SYT9: variants seen among roughly 807,000 people sequenced by gnomAD.
The protein encoded by SYT9 is synaptotagmin-9.
Under a neutral mutation model 48.4 loss-of-function variants are expected in SYT9, and 22 were observed. The ratio of observed to expected loss-of-function variants is 0.45; its 90% CI spans 0.32 to 0.65. The LOEUF is 0.65. SYT9 is among the 30% of genes least tolerant of loss of function. SYT9 has a pLI of 0.03. For missense variants in SYT9, 577 were observed against 622.0 expected, an observed-to-expected ratio of 0.93 and a Z score of 0.77; for synonymous variants, 265 against 245.0, an observed-to-expected ratio of 1.08 and a Z score of -0.76.
chr11:7,249,405 T>C (rs1173755187), upstream of SYT9, among the ~76,000 whole-genome samples: 1 of 152,178 alleles, frequency 6.6e-6, no homozygotes, highest in Non-Finnish European at 1.5e-5. Context: ...GACTTCTTGA[T>C]GGGAAGAGTG....
chr11:7,416,086 T>C lies in SYT9; in HGVS notation c.1089T>C (p.Leu363=), dbSNP rs2134096982. The change falls in exon 4 of 7, where the codon CTT becomes CTC. Residue 363 remains leucine (L), a synonymous_variant. Transcript: ENST00000318881. ...LGELMFSLCY[L]PTAGRLTITI... ...AGCTGATGTTTTCCCTGTGCTATCT[T>C]CCAACGGCTGGCAGGCTGACCATTA... 6.2e-7 allele frequency: 1 copy of C among 1,614,150 alleles called. No individual in the cohort carries two copies. The highest frequency in any genetic ancestry group is 8.5e-7 in the Non-Finnish European group (1 of 1,180,022).
upstream of SYT9, among the ~76,000 whole-genome samples, chr11:7,248,185 G>A (rs558838129): frequency 7.3e-5 from 11 of 151,158 alleles, no homozygotes; most frequent in African/African-American, 1.7e-4. Flanking sequence ...TGTTTTTTTC[G>A]TGTTGATTTG....
chr11:7,265,935 T>G (rs1056435176), intron 1 of SYT9, among the ~76,000 whole-genome samples: 1 of 152,154 alleles, frequency 6.6e-6, no homozygotes, highest in African/African-American at 2.4e-5. Context: ...CATGGTTGCT[T>G]GATTCCTGTA....
intron 3 of SYT9, among the ~76,000 whole-genome samples, chr11:7,364,456 A>G (rs1850204099): frequency 6.6e-6 from 1 of 152,190 alleles, no homozygotes; most frequent in African/African-American, 2.4e-5. Context: ...AAAATCCAAT[A>G]ATGTGATTAT....
At chr11:7,269,477 T>C (rs1415840739) in intron 1 of SYT9, among the ~76,000 whole-genome samples, 1 of 152,150 alleles carries the variant, frequency 6.6e-6, no homozygotes, top group Non-Finnish European at 1.5e-5. Context: ...AGGAGTAGTC[T>C]GCCCAGGTCT....
At chr11:7,287,344 C>T (rs1041849151) in intron 1 of SYT9, among the ~76,000 whole-genome samples, 4 of 152,204 alleles carry the variant, frequency 2.6e-5, no homozygotes, top group African/African-American at 7.2e-5. Flanking sequence ...CACTGGGTCA[C>T]TCCCATGATA....
In SYT9 at chr11:7,467,596, T is replaced by A. The variant is rs1848357645; in HGVS notation, c.*796T>A. On this transcript the variant is annotated 3_prime_UTR_variant, in exon 7 of 7. Transcript: ENST00000318881. ...AAGTAATTAGTTAGAAGGGCATACA[T>A]CTCAGTGGCATGAGCATTGTGGAAT... is the stretch of plus-strand genomic sequence containing the variant. 1 of 152,206 alleles carries A rather than the reference T, an allele frequency of 6.6e-6. No homozygotes were observed. The highest frequency in any genetic ancestry group is 2.1e-4 in the South Asian group (1 of 4,832). 9.4% of individuals were successfully genotyped at this position (152,206 alleles called of 1,614,324 possible).
rs1427454106 is a variant in SYT9 at position 7,421,361 on chromosome 11, A to T, written c.1467+726A>T. On this transcript the variant is annotated intron_variant, in intron 6 of 6. Coordinates refer to ENST00000318881, the MANE Select transcript of SYT9 (RefSeq NM_175733.4). ...AAAAGGGCAAGAGCCAAAAGGGCAC[A>T]CATTCCCTTTTTGATTCTCTTTGAA... Among the ~76,000 whole-genome samples the T allele has an allele frequency of 2.0e-5, 3 of 152,252 alleles. No homozygotes were observed. The South Asian group carries it at 6.2e-4, about 31-fold the overall frequency.
intron 1 of SYT9, among the ~76,000 whole-genome samples, chr11:7,284,071 A>G (rs1255180545): frequency 6.6e-6 from 1 of 152,148 alleles, no homozygotes; most frequent in East Asian, 1.9e-4. Flanking sequence ...CCTTTATGGT[A>G]TTATGTGTTT....
rs1163222875 is a variant in SYT9 at position 7,366,800 on chromosome 11, A to G, written c.1045-49242A>G. On this transcript the variant is annotated intron_variant, in intron 3 of 6. Transcript: ENST00000318881. ...TATATATTTTATAGCTTCTGATCAT[A>G]TATTGATACAACTGGTCTAGGTTTA... Among the ~76,000 whole-genome samples the G allele has an allele frequency of 2.6e-5, 4 of 152,056 alleles. No homozygotes were observed. The East Asian group carries it at 5.8e-4, about 22-fold the overall frequency.
At chr11:7,245,537 C>T (rs1847782284) in intron 1 of SYT9, among the ~76,000 whole-genome samples, 1 of 151,968 alleles carries the variant, frequency 6.6e-6, no homozygotes, top group South Asian at 2.1e-4. Context: ...TGTTCAGAAG[C>T]ATTACCCAGT....
rs569825109 is a variant in SYT9, at chr11:7,388,554, T to G, written c.1045-27488T>G. On this transcript the variant is annotated intron_variant, in intron 3 of 6. Coordinates refer to ENST00000318881, the MANE Select transcript of SYT9 (RefSeq NM_175733.4). The stretch of plus-strand genomic sequence containing the variant: ...AATTTGTTGTTATGTTCTAGTTCTT[T>G]AGATAAATGATTTGATCACTGATAA... Among the ~76,000 whole-genome samples, 36 of 152,276 alleles carry G rather than the reference T, an allele frequency of 2.4e-4. 1 individual carries two copies. In the South Asian group the frequency reaches 7.3e-3, roughly 31 times the overall value.
chr11:7,348,939 G>C (rs183964810), intron 3 of SYT9, among the ~76,000 whole-genome samples: 2 of 152,068 alleles, frequency 1.3e-5, no homozygotes, highest in Admixed American at 1.3e-4. Flanking sequence ...TCCTCACGCT[G>C]AGGAGGTTGC....
chr11:7,400,697 G>A (rs1846872516), intron 3 of SYT9, among the ~76,000 whole-genome samples: 1 of 152,138 alleles, frequency 6.6e-6, no homozygotes, highest in Non-Finnish European at 1.5e-5. Flanking sequence ...AAAAATCAGT[G>A]TCAAAGCAGA....
chr11:7,290,643 G>T (rs530071127), intron 1 of SYT9, among the ~76,000 whole-genome samples: 2 of 152,300 alleles, frequency 1.3e-5, no homozygotes, highest in Non-Finnish European at 2.9e-5. Context: ...TTATAAAATA[G>T]AAATGTTATG....
At chr11:7,402,681 T>C (rs568989705) in intron 3 of SYT9, among the ~76,000 whole-genome samples, 1 of 152,320 alleles carries the variant, frequency 6.6e-6, no homozygotes, top group South Asian at 2.1e-4. Context: ...CATGGCCTAA[T>C]TTGTTTTTTA....
At chr11:7,333,788 C>T (rs1378279884) in intron 3 of SYT9, among the ~76,000 whole-genome samples, 1 of 152,162 alleles carries the variant, frequency 6.6e-6, no homozygotes, top group Non-Finnish European at 1.5e-5. Context: ...CATCATCATT[C>T]AACAAATGTT....
chr11:7,430,402 G>C (rs1422383061), intron 6 of SYT9, among the ~76,000 whole-genome samples: 1 of 152,184 alleles, frequency 6.6e-6, no homozygotes, highest in Non-Finnish European at 1.5e-5. Context: ...TACTCAAATT[G>C]TCAGAAACAG....
chr11:7,415,808 A>G (rs1351941404), intron 3 of SYT9, among the ~76,000 whole-genome samples: 3 of 152,322 alleles, frequency 2.0e-5, no homozygotes, highest in Admixed American at 6.5e-5. Context: ...AGGCCTGAAC[A>G]GGGTTACAGC....
Sources: gnomAD v4.1 joint callset for allele counts (sites outside exome capture counted in the v4.1 genomes callset) on GRCh38, gnomAD v4.1.1 for gene constraint, MANE v1.5 for transcripts, NCBI Gene and HGNC (gene_info 2026-07-23, HGNC 2026-07-21) for gene names.